Variants in FBXL13 observed in about 807,000 individuals in gnomAD.
The protein encoded by FBXL13 is F-box and leucine-rich repeat protein 13.
FBXL13 carries 67 observed loss-of-function variants against 83.6 expected under a neutral mutation model. The observed-to-expected ratio is 0.80, with a 90% CI of 0.66 to 0.98. The LOEUF (loss-of-function observed/expected upper bound fraction) is 0.98, where lower values mean the gene tolerates loss of function less well. FBXL13 is among the 50% of genes least tolerant of loss of function. FBXL13 has a pLI of 0.00. For synonymous variants in FBXL13, 272 were observed against 299.5 expected, an observed-to-expected ratio of 0.91 and a Z score of 0.95; for missense variants, 822 against 866.5, an observed-to-expected ratio of 0.95 and a Z score of 0.64.
At chr7:103,020,952 C>A (rs1470597909) in intron 6 of FBXL13, among the ~76,000 whole-genome samples, 4 of 152,274 alleles carry the variant, frequency 2.6e-5, no homozygotes, top group South Asian at 2.1e-4. Flanking sequence ...CAAGCTACCA[C>A]TGACTTTCTT....
At chr7:103,042,117 C>T (rs1051990310) in intron 2 of FBXL13, among the ~76,000 whole-genome samples, 3 of 152,200 alleles carry the variant, frequency 2.0e-5, no homozygotes, top group Non-Finnish European at 4.4e-5. Flanking sequence ...TAAGCAACTT[C>T]AGCAAAGTCT....
intron 1 of FBXL13, among the ~76,000 whole-genome samples, chr7:103,069,914 TA>T (rs1798771518): frequency 6.6e-6 from 1 of 151,834 alleles, no homozygotes; most frequent in African/African-American, 2.4e-5. Flanking sequence ...CCGTCTCTAC[TA>T]AAAATACAAA....
At chr7:102,913,565 T>C (rs771976546) in intron 10 of FBXL13, among the ~76,000 whole-genome samples, 13 of 152,158 alleles carry the variant, frequency 8.5e-5, no homozygotes, top group Non-Finnish European at 1.8e-4. Context: ...ATTTGCAGAG[T>C]GTATTGTTGC....
chr7:103,029,467 T>G (rs781541953), intron 2 of FBXL13, 49 bp from the exon 4 acceptor site: 18 of 1,050,494 alleles, frequency 1.7e-5, no homozygotes, highest in East Asian at 3.0e-5. Context: ...ATAAATGGAA[T>G]GCACAGACTA....
chr7:102,926,365 T>C (rs1026229952), exon 10 of FBXL13: 7 of 1,613,160 alleles, frequency 4.3e-6, no homozygotes, highest in Non-Finnish European at 5.1e-6. Context: ...ATGTGTCTCA[T>C]TGATTCATCC....
At chr7:103,040,278 T>G (rs1198476279) in intron 2 of FBXL13, among the ~76,000 whole-genome samples, 1 of 152,084 alleles carries the variant, frequency 6.6e-6, no homozygotes, top group Non-Finnish European at 1.5e-5. Context: ...GAGCTAACTA[T>G]CCTAAATATA....
At chr7:103,023,854 T>C (rs1223893092) in intron 6 of FBXL13, among the ~76,000 whole-genome samples, 2 of 152,178 alleles carry the variant, frequency 1.3e-5, no homozygotes, top group Non-Finnish European at 2.9e-5. Flanking sequence ...ACCATTATCC[T>C]AGGCAAACTA....
At chr7:102,963,213 C>T (rs1349860220) in intron 8 of FBXL13, among the ~76,000 whole-genome samples, 2 of 150,888 alleles carry the variant, frequency 1.3e-5, no homozygotes, top group African/African-American at 4.9e-5. Context: ...CCCAGCTACT[C>T]GGCAGGCTGA....
intron 11 of FBXL13, among the ~76,000 whole-genome samples, chr7:102,891,637 T>G (rs373405348): frequency 3.3e-5 from 5 of 152,222 alleles, no homozygotes; most frequent in East Asian, 3.8e-4. Context: ...TTGCCATATT[T>G]ATATAAAAAC....
rs772728840 is a variant in FBXL13 at position 103,060,020 on chromosome 7, TTATATATATATATATATA to T, written c.-104-4291_-104-4274del. Among the ~76,000 whole-genome samples, 84 of 50,076 alleles carry T rather than the reference TTATATATATATATATATA, an allele frequency of 1.7e-3. 1 individual carries two copies. Among genetic ancestry groups the T allele is most frequent in the East Asian group, 4.8e-3 (4 of 830 alleles). 32.9% of individuals were successfully genotyped at this position (50,076 alleles called of 152,430 possible). On this transcript the variant is annotated intron_variant, in intron 1 of 19. Coordinates refer to ENST00000313221, the Ensembl canonical transcript of FBXL13. The stretch of plus-strand genomic sequence containing the variant: ...CAACAGATAATGATAGCAAGATATT[TTATATATATATATATATA>T]TATATATATATATATATATATATAT...
At chr7:103,008,718 C>T (rs1791252134) in intron 6 of FBXL13, among the ~76,000 whole-genome samples, 1 of 152,016 alleles carries the variant, frequency 6.6e-6, no homozygotes, top group Non-Finnish European at 1.5e-5. Context: ...CCAACACACC[C>T]GGCTAATTTT....
intron 17 of FBXL13, among the ~76,000 whole-genome samples, chr7:102,836,349 C>T (rs904780930): frequency 2.6e-5 from 4 of 152,172 alleles, no homozygotes; most frequent in African/African-American, 4.8e-5. Flanking sequence ...TCTTAGAATT[C>T]GTGTTTTCCT....
In FBXL13 at chr7:102,837,473, T is replaced by C. The variant is rs1368030850; in HGVS notation, c.1720-4499A>G. On this transcript the variant is annotated intron_variant, in intron 17 of 19. Transcript: ENST00000313221. ...AGATGGTGATGTGAGGGATAAACTTTGGCTTCAAACCAGCTCAAATGTGGT... is the reference window on the plus strand; with the variant it reads ...AGATGGTGATGTGAGGGATAAACTTCGGCTTCAAACCAGCTCAAATGTGGT... Among the ~76,000 whole-genome samples, 4 of 152,370 alleles carry C rather than the reference T, an allele frequency of 2.6e-5. No homozygotes were observed. The South Asian group carries it at 6.2e-4, about 24-fold the overall frequency.
intron 1 of FBXL13, chr7:103,074,111 G>T: frequency 4.8e-6 from 2 of 418,420 alleles, no homozygotes; most frequent in Non-Finnish European, 6.4e-6. Context: ...TTGTCTAAAG[G>T]CAATCCTGGT....
Position 102,923,468 on chromosome 7 carries a change from G to A in FBXL13, c.878+2806C>T, listed in dbSNP as rs1278261240. Among the ~76,000 whole-genome samples, 4 of 152,302 alleles carry A rather than the reference G, an allele frequency of 2.6e-5. No individual in the cohort carries two copies. The East Asian group carries it at 5.8e-4, about 22-fold the overall frequency. ...GGACATAAATAACTACAAGAACACA[G>A]ATAAAGTAACATGCAGAAAAATGTT... On this transcript the variant is annotated intron_variant, in intron 10 of 19. Transcript: ENST00000313221.
At chr7:102,979,815 C>T (rs1486858662) in intron 6 of FBXL13, among the ~76,000 whole-genome samples, 8 of 151,982 alleles carry the variant, frequency 5.3e-5, no homozygotes, top group Admixed American at 5.2e-4. Context: ...CTGAAAATTA[C>T]AAAACATTGC....
At chr7:102,842,709 G>C (rs1181912563) in intron 17 of FBXL13, among the ~76,000 whole-genome samples, 2 of 152,228 alleles carry the variant, frequency 1.3e-5, no homozygotes, top group African/African-American at 2.4e-5. Flanking sequence ...TGACTGGACT[G>C]TTGCTGAATG....
At chr7:102,952,532 A>T (rs1823578635) in intron 8 of FBXL13, among the ~76,000 whole-genome samples, 2 of 152,348 alleles carry the variant, frequency 1.3e-5, no homozygotes, top group South Asian at 4.1e-4. Flanking sequence ...AAAGGATCAT[A>T]ACAGAATATT....
chr7:102,834,202 A>T (rs546612850), intron 17 of FBXL13, among the ~76,000 whole-genome samples: 2 of 151,224 alleles, frequency 1.3e-5, no homozygotes, highest in African/African-American at 4.8e-5. Flanking sequence ...GAGAATTATT[A>T]TAATTATCTA....
Sources: gnomAD v4.1 joint callset for allele counts (sites outside exome capture counted in the v4.1 genomes callset) on GRCh38, gnomAD v4.1.1 for gene constraint, MANE v1.5 for transcripts, NCBI Gene and HGNC (gene_info 2026-07-23, HGNC 2026-07-21) for gene names.